Variants in ERICH5 observed in about 807,000 individuals in gnomAD.
ERICH5 encodes glutamate rich 5.
A neutral mutation model predicts 28.0 loss-of-function variants in ERICH5; 24 were observed. That is an observed-to-expected ratio of 0.86 (90% CI 0.62 to 1.21). The LOEUF is 1.21. ERICH5 is among the 50% of genes most tolerant of loss of function. The pLI is 0.00. For synonymous variants in ERICH5, 163 were observed against 157.6 expected, an observed-to-expected ratio of 1.03 and a Z score of -0.25; for missense variants, 421 against 441.2, an observed-to-expected ratio of 0.95 and a Z score of 0.41.
intron 1 of ERICH5, among the ~76,000 whole-genome samples, chr8:98,083,521 T>A (rs972684150): frequency 6.6e-6 from 1 of 152,144 alleles, no homozygotes; most frequent in African/African-American, 2.4e-5. Flanking sequence ...GTTCTGCTTC[T>A]CTACTTCCAG....
intron 1 of ERICH5, among the ~76,000 whole-genome samples, chr8:98,083,884 C>T (rs1026390048): frequency 6.6e-6 from 1 of 151,956 alleles, no homozygotes; most frequent in African/African-American, 2.4e-5. Flanking sequence ...TCCCATCCCT[C>T]GAACACATAT....
rs1453925290 is a variant in ERICH5, at chr8:98,089,294, G to T, written c.277G>T (p.Asp93Tyr). Reference sequence around the variant, plus strand: ...GGCCAAGGACGTAGCCCCTGGAAGGGATGCCACAGACCAATCAGGGTCCAC... The same window carrying T: ...GGCCAAGGACGTAGCCCCTGGAAGGTATGCCACAGACCAATCAGGGTCCAC... ...PLAKDVAPGR[D>Y]ATDQSGSTEK... Residue 93 changes from aspartate to tyrosine, a missense_variant, in exon 2 of 3, where the codon GAT becomes TAT. By Grantham distance (160) the Asp-to-Tyr change is radical (BLOSUM62 -3). Transcript: ENST00000318528. The T allele has an allele frequency of 5.0e-6, 8 of 1,614,100 alleles. No homozygotes were observed. The highest frequency in any genetic ancestry group is 1.7e-5 in the Admixed American group (1 of 60,006).
rs776096216 is a variant in ERICH5 at position 98,073,556 on chromosome 8, T to TTC, written c.58+8830_58+8831insCT. On this transcript the variant is annotated intron_variant, in intron 1 of 2. Transcript: ENST00000318528. ...TATATATATATATATAATTTTTTTTTTTTTGAGGCAGAGTTTTGCTGTGTC... is the reference window on the plus strand; with the variant it reads ...TATATATATATATATAATTTTTTTTTTCTTTTGAGGCAGAGTTTTGCTGTGTC... 6.3e-3 allele frequency among the ~76,000 whole-genome samples: 576 copies of TTC among 90,980 alleles called. 67 individuals carry two copies. The highest frequency in any genetic ancestry group is 0.019 in the Admixed American group (113 of 6,104). 59.7% of individuals were successfully genotyped at this position (90,980 alleles called of 152,430 possible).
chr8:98,086,530 A>G (rs1274967025), intron 1 of ERICH5, among the ~76,000 whole-genome samples: 1 of 152,234 alleles, frequency 6.6e-6, no homozygotes, highest in East Asian at 1.9e-4. Flanking sequence ...AAAAATTGTA[A>G]TAGCTTAATA....
chr8:98,085,352 A>G (rs1815256205), intron 1 of ERICH5, among the ~76,000 whole-genome samples: 1 of 151,068 alleles, frequency 6.6e-6, no homozygotes, highest in Non-Finnish European at 1.5e-5. Flanking sequence ...TTTAGTAGAG[A>G]CGGGGTTTCA....
chr8:98,080,700 G>A (rs1360462311), intron 1 of ERICH5, among the ~76,000 whole-genome samples: 16 of 54,438 alleles, frequency 2.9e-4, no homozygotes, highest in Non-Finnish European at 3.7e-4. Flanking sequence ...TCCCCCTCCC[G>A]TCCCCCCTCC....
chr8:98,091,900 C>CTTTCTTTCCTTTCTTTCTTTCTTT, intron 2 of ERICH5, among the ~76,000 whole-genome samples: 44 of 74,684 alleles, frequency 5.9e-4, no homozygotes, highest in Middle Eastern at 7.6e-3. Context: ...TTCTTTCTTT[C>CTTTCTTTCCTTTCTTTCTTTCTTT]CTTTCTTTCT....
chr8:98,086,182 G>A (rs189657251), intron 1 of ERICH5, among the ~76,000 whole-genome samples: 1 of 152,106 alleles, frequency 6.6e-6, no homozygotes, highest in Admixed American at 6.5e-5. Flanking sequence ...ACAGAGATAG[G>A]AAGAACAGAA....
intron 1 of ERICH5, among the ~76,000 whole-genome samples, chr8:98,079,683 G>A (rs1025482723): frequency 6.6e-6 from 1 of 152,124 alleles, no homozygotes; most frequent in Admixed American, 6.5e-5. Context: ...GGGATTACAA[G>A]CATCCACCAC....
chr8:98,085,462 C>T (rs974760920), intron 1 of ERICH5, among the ~76,000 whole-genome samples: 1 of 152,034 alleles, frequency 6.6e-6, no homozygotes, highest in African/African-American at 2.4e-5. Flanking sequence ...CGCTCCCGGC[C>T]GTTCCACAGA....
rs1438399479 is a variant in ERICH5, at chr8:98,091,836, T to TTCTCTTTC, written c.1013-1384_1013-1383insCTCTTTCT. Among the ~76,000 whole-genome samples the TTCTCTTTC allele has an allele frequency of 2.8e-5, 3 of 107,302 alleles. No individual in the cohort carries two copies. The East Asian group carries it at 8.5e-4, about 30-fold the overall frequency. 70.4% of individuals were successfully genotyped at this position (107,302 alleles called of 152,430 possible). A position where few individuals can be genotyped will look rare whatever the true frequency, so the allele number is the denominator to read the frequency against. ...AGACTTTCTTTTTCTTTCTTTTTCT[T>TTCTCTTTC]TTTCTTTCTTTCTTTCTTTCTTTCT... On this transcript the variant is annotated intron_variant, in intron 2 of 2. Coordinates refer to ENST00000318528, the MANE Select transcript of ERICH5 (RefSeq NM_173549.3).
At position 98,089,446 on chromosome 8, in the gene ERICH5, A is replaced by G; in HGVS notation, c.429A>G (p.Leu143=). The change falls in exon 2 of 3, where the codon CTA becomes CTG. Residue 143 remains leucine, a synonymous_variant. Coordinates refer to ENST00000318528, the MANE Select transcript of ERICH5 (RefSeq NM_173549.3). ...GAGCAGGGACAGAGGCCGAGTCTCTAAAAGGAAATGCTGAAGCTCAGCCTT... is the reference window on the plus strand; with the variant it reads ...GAGCAGGGACAGAGGCCGAGTCTCTGAAAGGAAATGCTGAAGCTCAGCCTT... The part of the protein sequence containing the change: ...DAGAGTEAES[L]KGNAEAQPLG... The G allele has an allele frequency of 1.2e-6, 2 of 1,614,222 alleles. No individual in the cohort carries two copies. Among genetic ancestry groups the G allele is most frequent in the Non-Finnish European group, 1.7e-6 (2 of 1,180,038 alleles).
At chr8:98,077,817 A>G (rs1378503885) in intron 1 of ERICH5, among the ~76,000 whole-genome samples, 1 of 152,010 alleles carries the variant, frequency 6.6e-6, no homozygotes, top group East Asian at 1.9e-4. Flanking sequence ...CAATCTTCCC[A>G]CCTCAGCCTG....
Position 98,089,479 on chromosome 8 carries a change from A to G in ERICH5, c.462A>G (p.Pro154=). Residue 154 remains proline, a synonymous_variant, in exon 2 of 3, where the codon CCA becomes CCG. Coordinates refer to ENST00000318528, the MANE Select transcript of ERICH5 (RefSeq NM_173549.3). The part of the protein sequence containing the change: ...KGNAEAQPLG[P]EAKGQPLQAA... ...ATGCTGAAGCTCAGCCTTTAGGACC[A>G]GAAGCCAAGGGTCAGCCTTTGCAGG... is the stretch of plus-strand genomic sequence containing the variant. The G allele has an allele frequency of 1.2e-6, 2 of 1,614,220 alleles. No individual in the cohort carries two copies. The highest frequency in any genetic ancestry group is 1.7e-6 in the Non-Finnish European group (2 of 1,180,024).
chr8:98,078,441 A>G (rs182012268), intron 1 of ERICH5, among the ~76,000 whole-genome samples: 2 of 152,232 alleles, frequency 1.3e-5, no homozygotes, highest in Non-Finnish European at 2.9e-5. Flanking sequence ...TCGCTCAAAA[A>G]CCCAGCAGAC....
chr8:98,072,080 C>T (rs1814929197), intron 1 of ERICH5, among the ~76,000 whole-genome samples: 1 of 151,860 alleles, frequency 6.6e-6, no homozygotes, highest in Non-Finnish European at 1.5e-5. Context: ...CTAAAACCCC[C>T]TAGGAATTAA....
chr8:98,091,993 C>CCCTCCCTTCCTTCCTTCCTT (rs1815416999), intron 2 of ERICH5, among the ~76,000 whole-genome samples: 1 of 55,082 alleles, frequency 1.8e-5, no homozygotes, highest in African/African-American at 7.0e-5. Flanking sequence ...TCTCTCTCTC[C>CCCTCCCTTCCTTCCTTCCTT]CCTTCCTTCC....
chr8:98,086,595 A>G (rs1170042124), intron 1 of ERICH5, among the ~76,000 whole-genome samples: 1 of 152,232 alleles, frequency 6.6e-6, no homozygotes, highest in African/African-American at 2.4e-5. Context: ...ACATTTGGAT[A>G]TTGATATAAT....
intron 2 of ERICH5, among the ~76,000 whole-genome samples, chr8:98,091,900 C>CTTTCTTTCTTTCTTTCCTTTCTTTCTTT: frequency 2.7e-5 from 2 of 74,708 alleles, no homozygotes; most frequent in African/African-American, 1.1e-4. Flanking sequence ...TTCTTTCTTT[C>CTTTCTTTCTTTCTTTCCTTTCTTTCTTT]CTTTCTTTCT....
Sources: gnomAD v4.1 joint callset for allele counts (sites outside exome capture counted in the v4.1 genomes callset) on GRCh38, gnomAD v4.1.1 for gene constraint, MANE v1.5 for transcripts, NCBI Gene and HGNC (gene_info 2026-07-23, HGNC 2026-07-21) for gene names.